ARFGEF3: variants seen among roughly 807,000 people sequenced by gnomAD.
ARFGEF3 encodes the protein brefeldin A-inhibited guanine nucleotide-exchange protein 3.
A neutral mutation model predicts 221.7 loss-of-function variants in ARFGEF3; 96 were observed. The ratio of observed to expected loss-of-function variants is 0.43; its 90% CI spans 0.37 to 0.51. The LOEUF (loss-of-function observed/expected upper bound fraction) is 0.51. Among genes scored for constraint, ARFGEF3 ranks in the 20% least tolerant of loss-of-function variants. The pLI is 0.00. For synonymous variants in ARFGEF3, 1,145 were observed against 1,126.8 expected (o/e 1.02, Z -0.32); for missense variants, 2,410 against 2,789.9 (o/e 0.86, Z 3.07).
Position 138,253,878 on chromosome 6 carries a change from A to G in ARFGEF3, c.666-2A>G. On this transcript the variant is annotated splice_acceptor_variant, in intron 8 of 33. Transcript: ENST00000251691. LOFTEE classifies it high-confidence loss of function. ...ATTTGTGTCGGTTCTGCTCTTCTGC[A>G]GTGACAGCCAGCAGCTGCAGCTTCT... 2 of 1,572,530 alleles carry G rather than the reference A, an allele frequency of 1.3e-6. No homozygotes were observed. The highest frequency in any genetic ancestry group is 1.2e-5 in the South Asian group (1 of 85,358).
chr6:138,263,182 C>T lies in ARFGEF3; in HGVS notation c.1699C>T (p.His567Tyr). 9 of 1,614,014 alleles carry T rather than the reference C, an allele frequency of 5.6e-6. No individual in the cohort carries two copies. The highest frequency in any genetic ancestry group is 7.6e-6 in the Non-Finnish European group (9 of 1,179,896). ...VDQPDVVQRS[H>Y]TVPYPDITNF... ...CCAGCCAGATGTCGTGCAGAGAAGC[C>T]ACACGGTCCCTTACCCTGACATAAC... is the stretch of plus-strand genomic sequence containing the variant. The change falls in exon 12 of 34, where the codon CAC becomes TAC. Residue 567 changes from histidine to tyrosine, a missense_variant. Transcript: ENST00000251691.
intron 8 of ARFGEF3, among the ~76,000 whole-genome samples, chr6:138,249,839 G>A (rs899308267): frequency 1.3e-5 from 2 of 152,086 alleles, no homozygotes; most frequent in Non-Finnish European, 2.9e-5. Flanking sequence ...TTGCCATCAC[G>A]ACTCCATTAC....
chr6:138,202,268 T>G (rs1271869982), intron 2 of ARFGEF3, among the ~76,000 whole-genome samples: 1 of 152,208 alleles, frequency 6.6e-6, no homozygotes, highest in Non-Finnish European at 1.5e-5. Context: ...CAGTACAGTG[T>G]GTGCAAAGGG....
At chr6:138,293,607 C>A (rs562895870) in intron 19 of ARFGEF3, among the ~76,000 whole-genome samples, 2 of 152,280 alleles carry the variant, frequency 1.3e-5, no homozygotes, top group South Asian at 2.1e-4. Flanking sequence ...AAACCTTATT[C>A]ATTAATTTAC....
rs200375307 is a variant in ARFGEF3 at position 138,209,865 on chromosome 6, C to A, written c.220-45C>A. 24 of 1,601,140 alleles carry A rather than the reference C, an allele frequency of 1.5e-5. No homozygotes were observed. In the Admixed American group the frequency reaches 4.1e-4, roughly 27 times the overall value. On this transcript the variant is annotated intron_variant, in intron 3 of 33. Coordinates refer to ENST00000251691, the MANE Select transcript of ARFGEF3 (RefSeq NM_020340.5). ...AATAAGATACAACCAAATAAGGCAGCAGGGGAGAGCCTATCTGTGATCACT... is the reference window on the plus strand; with the variant it reads ...AATAAGATACAACCAAATAAGGCAGAAGGGGAGAGCCTATCTGTGATCACT...
chr6:138,324,270 C>A, intron 31 of ARFGEF3, 116 bp downstream of exon 31: 1 of 1,197,122 alleles, frequency 8.4e-7, no homozygotes, highest in Non-Finnish European at 1.2e-6. Context: ...GGGACATACA[C>A]CTTGTAGCTC....
intron 22 of ARFGEF3, among the ~76,000 whole-genome samples, chr6:138,302,829 C>G (rs967595074): frequency 1.3e-5 from 2 of 152,148 alleles, no homozygotes; most frequent in African/African-American, 4.8e-5. Context: ...TAAAAACATT[C>G]TCAGATAAAC....
intron 7 of ARFGEF3, 42 bp downstream of exon 7, chr6:138,243,036 T>G (rs1583028733): frequency 6.7e-7 from 1 of 1,498,374 alleles, no homozygotes; most frequent in Middle Eastern, 1.7e-4. Context: ...TTAAAGCAGG[T>G]GTGAGAATGC....
intron 7 of ARFGEF3, among the ~76,000 whole-genome samples, chr6:138,244,237 A>C (rs1447765963): frequency 6.6e-6 from 1 of 152,082 alleles, no homozygotes; most frequent in African/African-American, 2.4e-5. Flanking sequence ...CCAGGCATTT[A>C]TTTCTCTTTC....
intron 4 of ARFGEF3, chr6:138,218,455 T>C: frequency 6.8e-7 from 1 of 1,467,418 alleles, no homozygotes; most frequent in Non-Finnish European, 9.0e-7. Flanking sequence ...TTGTAAATTA[T>C]TATACATCAA....
rs1400187376 is a variant in ARFGEF3 at position 138,286,027 on chromosome 6, G to A, written c.2543G>A (p.Arg848Lys). 3.7e-6 allele frequency: 6 copies of A among 1,607,374 alleles called. No individual in the cohort carries two copies. The highest frequency in any genetic ancestry group is 5.1e-6 in the Non-Finnish European group (6 of 1,179,100). ...ACAGAGTCTCCTTTCGCCCAGAGCA[G>A]GAGAATTGATGACTCCACAGTGGCA... Reference protein sequence around the residue: ...AATESPFAQSRRIDDSTVAGV... With the variant: ...AATESPFAQSKRIDDSTVAGV... Residue 848 changes from arginine to lysine, a missense_variant, in exon 15 of 34, where the codon AGG (arginine) becomes AAG (lysine). Coordinates refer to ENST00000251691, the MANE Select transcript of ARFGEF3 (RefSeq NM_020340.5).
In ARFGEF3 at chr6:138,311,948, G is replaced by A. The variant is rs139428702; in HGVS notation, c.4200+438G>A. Among the ~76,000 whole-genome samples the A allele has an allele frequency of 1.6e-3, 247 of 152,248 alleles. 1 individual carries two copies. The highest frequency in any genetic ancestry group is 5.6e-3 in the African/African-American group (234 of 41,546). Reference sequence around the variant, plus strand: ...AGATGGGTGGATTACCTGAGGTCAGGAGTTCAAGACCAGCCTGGACAACAT... The same window carrying A: ...AGATGGGTGGATTACCTGAGGTCAGAAGTTCAAGACCAGCCTGGACAACAT... On this transcript the variant is annotated intron_variant, in intron 25 of 33. Transcript: ENST00000251691.
chr6:138,208,651 G>T (rs914872845), intron 3 of ARFGEF3, among the ~76,000 whole-genome samples: 1 of 152,186 alleles, frequency 6.6e-6, no homozygotes, highest in African/African-American at 2.4e-5. Context: ...TAGCTTAATT[G>T]CAGTCCTTGT....
rs1780344818 is a variant in ARFGEF3 at position 138,337,271 on chromosome 6, A to T, written c.*785A>T. 2.0e-5 allele frequency: 3 copies of T among 152,610 alleles called. 1 individual carries two copies. The South Asian group carries it at 6.2e-4, about 32-fold the overall frequency. The allele number at this position is 152,610 out of a possible 1,614,324, so 9.5% of individuals were successfully genotyped here. ...TCAAGAGACATAAGACCGACCAGCC[A>T]CCCTGGCTGTTCTTGTGGTGTTTGT... On this transcript the variant is annotated 3_prime_UTR_variant, in exon 34 of 34. Transcript: ENST00000251691.
In ARFGEF3 at chr6:138,286,781, A is replaced by C; in HGVS notation, c.2650A>C (p.Met884Leu). ...TTTATCAACCCCACTGACTGGTCGAATGGCGGGGAGCTCCAAAGGGCTGGC... is the reference window on the plus strand; with the variant it reads ...TTTATCAACCCCACTGACTGGTCGACTGGCGGGGAGCTCCAAAGGGCTGGC... ...DTLSTPLTGR[M>L]AGSSKGLAFI... The change falls in exon 16 of 34, where the codon ATG becomes CTG. Residue 884 changes from methionine (M) to leucine (L), a missense_variant. Around this residue, in one of 5 missense-constraint regions of ARFGEF3, gnomAD observed 594 missense variants for 734.3 expected, o/e 0.81. Coordinates refer to ENST00000251691, the MANE Select transcript of ARFGEF3 (RefSeq NM_020340.5). 6.2e-7 allele frequency: 1 copy of C among 1,614,066 alleles called. No homozygotes were observed. Among genetic ancestry groups the C allele is most frequent in the East Asian group, 2.2e-5 (1 of 44,876 alleles).
intron 14 of ARFGEF3, among the ~76,000 whole-genome samples, chr6:138,281,856 G>A (rs1016826439): frequency 6.6e-6 from 1 of 152,178 alleles, no homozygotes; most frequent in Non-Finnish European, 1.5e-5. Context: ...CAAAAGTTTA[G>A]TCTGGTCATC....
At chr6:138,179,298 A>G (rs553090745) in intron 2 of ARFGEF3, among the ~76,000 whole-genome samples, 1 of 152,326 alleles carries the variant, frequency 6.6e-6, no homozygotes, top group South Asian at 2.1e-4. Context: ...ATTGGCAGCA[A>G]ACCTCTTGTT....
Position 138,307,234 on chromosome 6 carries a change from C to T in ARFGEF3, c.3829-19C>T. ...TTTAAGGAGAGGGCTTTAAGTGCCA[C>T]TTGCTTTGCCTCTACCAGGTTGTCA... On this transcript the variant is annotated intron_variant, in intron 22 of 33. Coordinates refer to ENST00000251691, the MANE Select transcript of ARFGEF3 (RefSeq NM_020340.5). 1 of 1,610,742 alleles carries T rather than the reference C, an allele frequency of 6.2e-7. No individual in the cohort carries two copies. Among genetic ancestry groups the T allele is most frequent in the Non-Finnish European group, 8.5e-7 (1 of 1,177,520 alleles).
Position 138,291,870 on chromosome 6 carries a change from C to T in ARFGEF3, c.3185C>T (p.Pro1062Leu). ...LLGDPECEGS[P>L]PEHSPEQGRS... ...GGGGACCCCGAGTGTGAGGGCTCGC[C>T]CCCCGAGCACAGCCCGGAGCAGGGG... Residue 1062 changes from proline (P) to leucine (L), a missense_variant, in exon 19 of 34, where the codon CCC becomes CTC. Pro to Leu is a moderately conservative substitution (Grantham distance 98, BLOSUM62 -3). This residue lies in a region of ARFGEF3 where 184 missense variants were observed against 141.8 expected (regional missense o/e 1.30). Coordinates refer to ENST00000251691, the MANE Select transcript of ARFGEF3 (RefSeq NM_020340.5). The surrounding 1 kb of genome is among the most constrained non-coding windows in gnomAD (Gnocchi z 4.5). The T allele has an allele frequency of 3.3e-6, 5 of 1,497,306 alleles. No individual in the cohort carries two copies. The highest frequency in any genetic ancestry group is 4.5e-6 in the Non-Finnish European group (5 of 1,118,824). 92.8% of individuals were successfully genotyped at this position (1,497,306 alleles called of 1,614,324 possible).
Sources: allele counts gnomAD v4.1 joint callset (sites outside exome capture counted in the v4.1 genomes callset), GRCh38; gene constraint gnomAD v4.1.1; regional missense constraint gnomAD v4.1.1; non-coding constraint Gnocchi (gnomAD v3.1); transcripts MANE v1.5; gene names NCBI Gene and HGNC (gene_info 2026-07-23, HGNC 2026-07-21).